The following KCNG3 variants were observed in gnomAD, a reference collection of about 807,000 sequenced individuals.
KCNG3 encodes the protein potassium voltage-gated channel modifier subfamily G member 3, also known as voltage-gated potassium channel regulatory subunit KCNG3.
Under a neutral mutation model 29.0 loss-of-function variants are expected in KCNG3, and 15 were observed. That is an observed-to-expected ratio of 0.52 (90% CI 0.35 to 0.80). The LOEUF is 0.80. KCNG3 is among the 30% of genes least tolerant of loss of function. The pLI, the probability that KCNG3 is intolerant of heterozygous loss-of-function variation, is 0.01. For synonymous variants in KCNG3, 322 were observed against 248.9 expected, an observed-to-expected ratio of 1.29 and a Z score of -2.76; for missense variants, 512 against 605.7, an observed-to-expected ratio of 0.85 and a Z score of 1.62.
the KCNG3 span, among the ~76,000 whole-genome samples, chr2:42,413,203 C>A: frequency 6.6e-6 from 1 of 152,152 alleles, no homozygotes; most frequent in Admixed American, 6.5e-5. Context: ...CAGGGTCTCA[C>A]TACATTGCCC....
the KCNG3 span, among the ~76,000 whole-genome samples, chr2:42,412,017 G>T: frequency 6.6e-6 from 1 of 152,210 alleles, no homozygotes; most frequent in Non-Finnish European, 1.5e-5. Context: ...TGGAAAAGAC[G>T]TGGAGCCCCT....
the KCNG3 span, among the ~76,000 whole-genome samples, chr2:42,421,431 C>G: frequency 1.3e-5 from 2 of 152,168 alleles, no homozygotes; most frequent in African/African-American, 2.4e-5. Flanking sequence ...AAAGGATAAT[C>G]AGGAGTGAGT....
the KCNG3 span, among the ~76,000 whole-genome samples, chr2:42,397,021 G>T: frequency 6.6e-6 from 1 of 152,142 alleles, no homozygotes; most frequent in African/African-American, 2.4e-5. Context: ...CACTTTGGGA[G>T]GCCAAAGTGG....
chr2:42,483,635 A>G (rs146572304), intron 1 of KCNG3, among the ~76,000 whole-genome samples: 21 of 152,298 alleles, frequency 1.4e-4, no homozygotes, highest in African/African-American at 4.6e-4. Context: ...GACAAAACAC[A>G]TGTCAGTATT....
At chr2:42,402,082 T>C in the KCNG3 span, among the ~76,000 whole-genome samples, 1 of 152,182 alleles carries the variant, frequency 6.6e-6, no homozygotes, top group Non-Finnish European at 1.5e-5. Flanking sequence ...TCCTCATTCA[T>C]GGGGATGGGC....
Position 42,493,786 on chromosome 2 carries a change from C to T in KCNG3, c.-285G>A, listed in dbSNP as rs1455816405. On this transcript the variant is annotated 5_prime_UTR_variant, in exon 1 of 2. Coordinates refer to ENST00000306078, the MANE Select transcript of KCNG3 (RefSeq NM_133329.6). ...CACCGGCTGGGAACGCGGCTGTGTC[C>T]GCGCCGCCGACCCTCGCGCCCGAGG... 4 of 279,710 alleles carry T rather than the reference C, an allele frequency of 1.4e-5. No homozygotes were observed. The highest frequency in any genetic ancestry group is 2.7e-5 in the Non-Finnish European group (4 of 150,128). The allele number at this position is 279,710 out of a possible 1,614,324, so 17.3% of individuals were successfully genotyped here. A position where few individuals can be genotyped will look rare whatever the true frequency, so the allele number is the denominator to read the frequency against.
chr2:42,471,141 G>A (rs1673275610), intron 1 of KCNG3, among the ~76,000 whole-genome samples: 2 of 144,558 alleles, frequency 1.4e-5, no homozygotes, highest in Non-Finnish European at 3.0e-5. Flanking sequence ...AACAGAGTGA[G>A]ACTGTCTCAA....
rs921094822 is a variant in KCNG3, at chr2:42,493,691, G to A, written c.-190C>T. On this transcript the variant is annotated 5_prime_UTR_variant, in exon 1 of 2. Coordinates refer to ENST00000306078, the MANE Select transcript of KCNG3 (RefSeq NM_133329.6). ...GGCTCGAGTATCTCCGGCGCTGCTA[G>A]TAGCGCGCCCTCCGCCCGGCGGTAC... 1.2e-5 allele frequency: 5 copies of A among 403,880 alleles called. No individual in the cohort carries two copies. Among genetic ancestry groups the A allele is most frequent in the Admixed American group, 4.7e-5 (1 of 21,440 alleles). 25.0% of individuals were successfully genotyped at this position (403,880 alleles called of 1,614,324 possible).
the KCNG3 span, among the ~76,000 whole-genome samples, chr2:42,398,729 G>A: frequency 6.6e-6 from 1 of 152,168 alleles, no homozygotes; most frequent in Admixed American, 6.5e-5. Flanking sequence ...CGTATCCAAG[G>A]GACAGGAGCC....
At chr2:42,432,006 T>C in the KCNG3 span, among the ~76,000 whole-genome samples, 2 of 142,004 alleles carry the variant, frequency 1.4e-5, no homozygotes, top group Admixed American at 7.5e-5. Flanking sequence ...GCCACTGCAC[T>C]CCAGCCTGGG....
intron 1 of KCNG3, among the ~76,000 whole-genome samples, chr2:42,451,791 T>C (rs931661752): frequency 6.6e-6 from 1 of 151,810 alleles, no homozygotes; most frequent in Non-Finnish European, 1.5e-5. Context: ...TCCTAGCTAC[T>C]TGGGAAGCTG....
chr2:42,468,399 G>C (rs2103702489), intron 1 of KCNG3, among the ~76,000 whole-genome samples: 1 of 152,282 alleles, frequency 6.6e-6, no homozygotes, highest in African/African-American at 2.4e-5. Context: ...ATTAGGGACA[G>C]TCTATACTGC....
Position 42,492,929 on chromosome 2 carries a change from G to T in KCNG3, c.573C>A (p.Ser191Arg). Residue 191 changes from serine (S) to arginine (R), a missense_variant, in exon 1 of 2, where the codon AGC becomes AGA. Ser to Arg is a moderately radical substitution (Grantham distance 110). Around this residue, in one of 5 missense-constraint regions of KCNG3, gnomAD observed 228 missense variants for 200.0 expected, o/e 1.14. Transcript: ENST00000306078. ...VIVSMVVLCA[S>R]TLPDWRNAAA... ...CTGCGTTGCGCCAGTCGGGCAACGT[G>T]CTGGCGCACAGCACCACCATGGACA... 6.3e-7 allele frequency: 1 copy of T among 1,589,062 alleles called. No individual in the cohort carries two copies. The highest frequency in any genetic ancestry group is 8.5e-7 in the Non-Finnish European group (1 of 1,171,488).
At chr2:42,431,926 C>A in the KCNG3 span, among the ~76,000 whole-genome samples, 1 of 151,800 alleles carries the variant, frequency 6.6e-6, no homozygotes, top group Non-Finnish European at 1.5e-5. Flanking sequence ...GTAATCCCAG[C>A]TACTCGGGAG....
chr2:42,468,485 G>GAT (rs940444634), intron 1 of KCNG3, among the ~76,000 whole-genome samples: 2 of 151,934 alleles, frequency 1.3e-5, no homozygotes, highest in African/African-American at 4.8e-5. Context: ...TTTTAAAAAG[G>GAT]ATATAATCAG....
the KCNG3 span, among the ~76,000 whole-genome samples, chr2:42,432,175 C>A: frequency 6.6e-6 from 1 of 152,164 alleles, no homozygotes; most frequent in Non-Finnish European, 1.5e-5. Context: ...CCCACAGTGC[C>A]CAGCACAGAA....
At chr2:42,411,310 C>G in the KCNG3 span, among the ~76,000 whole-genome samples, 1 of 152,064 alleles carries the variant, frequency 6.6e-6, no homozygotes, top group Non-Finnish European at 1.5e-5. Flanking sequence ...TAGTTTTAAA[C>G]AAGTGTCAGC....
the KCNG3 span, among the ~76,000 whole-genome samples, chr2:42,428,473 AAAAAAG>A: frequency 2.7e-5 from 4 of 149,794 alleles, no homozygotes; most frequent in African/African-American, 9.8e-5. Flanking sequence ...AAAAAAAAAA[AAAAAAG>A]AAAAGAAAAA....
At chr2:42,435,802 A>G in the KCNG3 span, among the ~76,000 whole-genome samples, 1 of 152,204 alleles carries the variant, frequency 6.6e-6, no homozygotes, top group Non-Finnish European at 1.5e-5. Context: ...GTGGGAATCA[A>G]ATTGCTCAGC....
Sources: gnomAD v4.1 joint callset for allele counts (sites outside exome capture counted in the v4.1 genomes callset) on GRCh38, gnomAD v4.1.1 for gene constraint, gnomAD v4.1.1 regional missense constraint, MANE v1.5 for transcripts, NCBI Gene and HGNC (gene_info 2026-07-23, HGNC 2026-07-21) for gene names.